The following LRRC9 variants were observed in gnomAD, a reference collection of about 807,000 sequenced individuals.
LRRC9 encodes the protein leucine-rich repeat-containing protein 9.
Under a neutral mutation model 63.2 loss-of-function variants are expected in LRRC9, and 122 were observed. The ratio of observed to expected loss-of-function variants is 1.93; its 90% CI spans 1.67 to 2.24. The LOEUF (loss-of-function observed/expected upper bound fraction) is 2.24, where lower values mean the gene tolerates loss of function less well. Among genes scored for constraint, LRRC9 ranks in the 30% most tolerant of loss-of-function variants. The probability of loss-of-function intolerance (pLI) is 0.00; values close to 1 mark genes in which losing one functional copy is unlikely to be tolerated. For missense variants in LRRC9, 1,071 were observed against 627.7 expected, an observed-to-expected ratio of 1.71 and a Z score of -7.55; for synonymous variants, 366 against 213.1, an observed-to-expected ratio of 1.72 and a Z score of -6.25.
At chr14:60,029,403 T>A (rs2140320137) in intron 28 of LRRC9, among the ~76,000 whole-genome samples, 1 of 152,244 alleles carries the variant, frequency 6.6e-6, no homozygotes. Flanking sequence ...AGTGTTTCAT[T>A]TATGAAACAT....
At chr14:60,032,623 A>G (rs564986142) in intron 29 of LRRC9, among the ~76,000 whole-genome samples, 92 of 152,190 alleles carry the variant, frequency 6.0e-4, no homozygotes, top group Non-Finnish European at 5.7e-4. Context: ...TGTTCACCCA[A>G]TTTCTAAACA....
In LRRC9 at chr14:59,981,901, CA is replaced by C. The variant is rs769178849; in HGVS notation, c.1940del (p.Asn647ThrfsTer11). The C allele has an allele frequency of 1.7e-5, 12 of 700,536 alleles. No homozygotes were observed. The highest frequency in any genetic ancestry group is 1.3e-4 in the South Asian group (9 of 67,296). 43.4% of individuals were successfully genotyped at this position (700,536 alleles called of 1,614,324 possible). On this transcript the variant is annotated frameshift_variant, in exon 16 of 32. Transcript: ENST00000445360. LOFTEE classifies it high-confidence loss of function. ...TCAACAATGTTATTCTAGAAGAAAG[CA>C]AAAAAAACCCAGAAGTATCAGTATT...
chr14:60,006,026 G>C (rs1889778452), intron 21 of LRRC9, among the ~76,000 whole-genome samples: 1 of 151,998 alleles, frequency 6.6e-6, no homozygotes, highest in Admixed American at 6.6e-5. Context: ...AAAAATGAGG[G>C]CTGGTGATTA....
At chr14:60,036,366 T>C (rs951126035) in intron 29 of LRRC9, among the ~76,000 whole-genome samples, 1 of 152,180 alleles carries the variant, frequency 6.6e-6, no homozygotes, top group African/African-American at 2.4e-5. Context: ...GGATCATGCA[T>C]TGCTAAGAGG....
intron 30 of LRRC9, among the ~76,000 whole-genome samples, chr14:60,054,757 G>T (rs1359257310): frequency 6.6e-6 from 1 of 151,760 alleles, no homozygotes; most frequent in Non-Finnish European, 1.5e-5. Flanking sequence ...ATTAGACAAT[G>T]ATTCCCTTAC....
rs1168571844 is a variant in LRRC9 at position 59,964,378 on chromosome 14, T to G, written c.1212-2211T>G. Among the ~76,000 whole-genome samples, 2 of 152,216 alleles carry G rather than the reference T, an allele frequency of 1.3e-5. No homozygotes were observed. The highest frequency in any genetic ancestry group is 6.5e-5 in the Admixed American group (1 of 15,290). On this transcript the variant is annotated intron_variant, in intron 10 of 31. Transcript: ENST00000445360. This position sits in a 1 kb window ranked among gnomAD's most constrained non-coding sequence, Gnocchi z 4.4. Reference sequence around the variant, plus strand: ...TACTCCACCACATAAGTGGTTTTGTTTGTTCTGTTTCCTTCACCCAGAATG... The same window carrying G: ...TACTCCACCACATAAGTGGTTTTGTGTGTTCTGTTTCCTTCACCCAGAATG...
chr14:59,939,927 T>G (rs1054332943), intron 7 of LRRC9, among the ~76,000 whole-genome samples: 1 of 152,000 alleles, frequency 6.6e-6, no homozygotes, highest in Non-Finnish European at 1.5e-5. Context: ...ATATGAGAAT[T>G]GAAAGCAGAA....
At chr14:60,026,779 T>C (rs219401) in intron 27 of LRRC9, among the ~76,000 whole-genome samples, 113,878 of 151,924 alleles carry the variant, frequency 0.75, 44,703 homozygotes, top group Non-Finnish European at 0.87. Context: ...TGTGTGTTCT[T>C]AGCACCTTTG....
At chr14:60,065,348 G>A (rs1012947879), downstream of LRRC9, among the ~76,000 whole-genome samples, 2 of 151,322 alleles carry the variant, frequency 1.3e-5, no homozygotes, top group African/African-American at 4.9e-5. Flanking sequence ...TTTCTGAGTA[G>A]CTGGAATTAC....
In LRRC9 at chr14:59,940,890, A is replaced by C. The variant is rs569466266; in HGVS notation, c.726+2318A>C. Among the ~76,000 whole-genome samples the C allele has an allele frequency of 5.8e-4, 89 of 152,226 alleles. 1 individual carries two copies. Among genetic ancestry groups the C allele is most frequent in the African/African-American group, 2.0e-3 (83 of 41,576 alleles). The stretch of plus-strand genomic sequence containing the variant: ...CTTTTTCTTAAAAGTTTGTTTTAAC[A>C]GGTGTGGAATTCTACCAAAGTCTTT... On this transcript the variant is annotated intron_variant, in intron 7 of 31. Coordinates refer to ENST00000445360, the Ensembl canonical transcript of LRRC9.
chr14:59,979,599 G>A (rs1462868407), intron 15 of LRRC9, among the ~76,000 whole-genome samples: 4 of 151,996 alleles, frequency 2.6e-5, no homozygotes, highest in South Asian at 2.1e-4. Context: ...GCGACAGAGC[G>A]AGACTCCGTC....
chr14:60,065,677 G>A (rs1213513663), downstream of LRRC9, among the ~76,000 whole-genome samples: 1 of 136,106 alleles, frequency 7.3e-6, no homozygotes, highest in Non-Finnish European at 1.6e-5. Context: ...CTGTAAAAGA[G>A]AGTAAACTAT....
rs866662253 is a variant in LRRC9 at position 60,033,710 on chromosome 14, T to C, written c.3990+1647T>C. Among the ~76,000 whole-genome samples, 9 of 152,142 alleles carry C rather than the reference T, an allele frequency of 5.9e-5. No individual in the cohort carries two copies. The East Asian group carries it at 9.6e-4, about 16-fold the overall frequency. Reference sequence around the variant, plus strand: ...CATGGAAATAAGTAAAATTATCCTATAATTTTATCTTCTTTTAGTATTCTT... The same window carrying C: ...CATGGAAATAAGTAAAATTATCCTACAATTTTATCTTCTTTTAGTATTCTT... On this transcript the variant is annotated intron_variant, in intron 29 of 31. Coordinates refer to ENST00000445360, the Ensembl canonical transcript of LRRC9.
chr14:59,948,993 G>A (rs1393456581), intron 8 of LRRC9, among the ~76,000 whole-genome samples: 2 of 96,776 alleles, frequency 2.1e-5, no homozygotes, highest in Non-Finnish European at 4.1e-5. Flanking sequence ...GTCTCTGCCC[G>A]GCTTTGGTAT....
chr14:60,049,053 T>C (rs1021726212), intron 29 of LRRC9, among the ~76,000 whole-genome samples: 1 of 152,200 alleles, frequency 6.6e-6, no homozygotes, highest in Non-Finnish European at 1.5e-5. Flanking sequence ...TTTCAATAGA[T>C]GTAGAACAGG....
At chr14:60,008,792 T>C (rs910357952) in intron 23 of LRRC9, among the ~76,000 whole-genome samples, 1 of 152,156 alleles carries the variant, frequency 6.6e-6, no homozygotes, top group Non-Finnish European at 1.5e-5. Flanking sequence ...AAAAGGTTTA[T>C]GGTGTAATGT....
rs1894615505 is a variant in LRRC9 at position 60,060,846 on chromosome 14, T to C, written c.4277-2477T>C. 6.6e-6 allele frequency among the ~76,000 whole-genome samples: 1 copy of C among 152,180 alleles called. No homozygotes were observed. Among genetic ancestry groups the C allele is most frequent in the Non-Finnish European group, 1.5e-5 (1 of 68,032 alleles). Reference sequence around the variant, plus strand: ...ACCATTCTAGACGCCATTAAAAACATTTGTAATTCATCAGAGGAGGTCAAA... The same window carrying C: ...ACCATTCTAGACGCCATTAAAAACACTTGTAATTCATCAGAGGAGGTCAAA... On this transcript the variant is annotated intron_variant, in intron 31 of 31. Coordinates refer to ENST00000445360, the Ensembl canonical transcript of LRRC9. This position sits in a 1 kb window ranked among gnomAD's most constrained non-coding sequence, Gnocchi z 4.0.
chr14:59,981,985 C>T (rs1886977542), exon 16 of LRRC9: 1 of 702,346 alleles, frequency 1.4e-6, no homozygotes, highest in Admixed American at 2.0e-5. Flanking sequence ...GAATCAAGGC[C>T]CGACCAAAAC....
intron 14 of LRRC9, among the ~76,000 whole-genome samples, chr14:59,977,636 T>TG (rs1002361427): frequency 3.3e-5 from 5 of 151,714 alleles, no homozygotes; most frequent in Admixed American, 3.3e-4. Context: ...GCACCCGACT[T>TG]TTAACAAGAG....
Sources: gnomAD v4.1 joint callset for allele counts (sites outside exome capture counted in the v4.1 genomes callset) on GRCh38, gnomAD v4.1.1 for gene constraint, Gnocchi (gnomAD v3.1) non-coding constraint, MANE v1.5 for transcripts, NCBI Gene and HGNC (gene_info 2026-07-23, HGNC 2026-07-21) for gene names.